Variants in GAN observed in about 807,000 individuals in gnomAD.
GAN encodes the protein epididymis secretory sperm binding protein.
GAN carries 48 observed loss-of-function variants against 71.3 expected under a neutral mutation model. That is an observed-to-expected ratio of 0.67 (90% CI 0.53 to 0.86). The LOEUF (loss-of-function observed/expected upper bound fraction) is 0.86, where lower values mean the gene tolerates loss of function less well. Ranked by LOEUF, GAN falls within the 40% of genes least tolerant of loss-of-function variation. The probability of loss-of-function intolerance (pLI) is 0.00; values close to 1 mark genes in which losing one functional copy is unlikely to be tolerated. For missense variants in GAN, 928 were observed against 770.1 expected (o/e 1.21, Z -2.43); for synonymous variants, 386 against 276.8 (o/e 1.39, Z -3.92).
At chr16:81,350,647 C>T (rs1288271484) in intron 1 of GAN, among the ~76,000 whole-genome samples, 4 of 152,004 alleles carry the variant, frequency 2.6e-5, no homozygotes, top group African/African-American at 9.7e-5. Flanking sequence ...TCCTGAGCTG[C>T]TGGGATTGCA....
Position 81,384,866 on chromosome 16 carries a change from A to G in GAN, c.*7270A>G, listed in dbSNP as rs1904355035. Reference sequence around the variant, plus strand: ...TTGCCTGGTCACCAAGTCAGGAGGAAGAAGATGAGGAGGCTCACCAGTTGT... The same window carrying G: ...TTGCCTGGTCACCAAGTCAGGAGGAGGAAGATGAGGAGGCTCACCAGTTGT... On this transcript the variant is annotated 3_prime_UTR_variant, in exon 11 of 11. Transcript: ENST00000648994. The G allele has an allele frequency of 6.5e-6, 1 of 153,276 alleles. No homozygotes were observed. The highest frequency in any genetic ancestry group is 6.6e-5 in the Admixed American group (1 of 15,266). 9.5% of individuals were successfully genotyped at this position (153,276 alleles called of 1,614,324 possible).
At chr16:81,326,516 A>G (rs1309761646) in intron 1 of GAN, among the ~76,000 whole-genome samples, 1 of 152,250 alleles carries the variant, frequency 6.6e-6, no homozygotes, top group Non-Finnish European at 1.5e-5. Flanking sequence ...CTGGGCAACA[A>G]GAGTGAAACT....
intron 1 of GAN, among the ~76,000 whole-genome samples, chr16:81,333,687 A>G (rs994238669): frequency 1.3e-5 from 2 of 152,188 alleles, no homozygotes; most frequent in Non-Finnish European, 2.9e-5. Context: ...TCAAGGATGG[A>G]GACTACCAAC....
rs769560368 is a variant in GAN, at chr16:81,389,831, C to T, written c.*12235C>T. The T allele has an allele frequency of 4.6e-5, 7 of 152,166 alleles. No homozygotes were observed. The highest frequency in any genetic ancestry group is 1.4e-4 in the African/African-American group (6 of 41,418). 9.4% of individuals were successfully genotyped at this position (152,166 alleles called of 1,614,324 possible). A position where few individuals can be genotyped will look rare whatever the true frequency, so the allele number is the denominator to read the frequency against. ...TCATGCCAGTGTTGTGCTGGACCCT[C>T]GAGTATGTGACTGTCACCCTTGTCC... On this transcript the variant is annotated 3_prime_UTR_variant, in exon 11 of 11. Transcript: ENST00000648994.
intron 3 of GAN, among the ~76,000 whole-genome samples, chr16:81,356,013 A>G (rs1431459179): frequency 1.3e-5 from 2 of 152,338 alleles, no homozygotes; most frequent in African/African-American, 2.4e-5. Context: ...CACCAAGACC[A>G]CAGTGGGACA....
At chr16:81,340,188 C>T (rs769246096) in intron 1 of GAN, among the ~76,000 whole-genome samples, 1 of 152,162 alleles carries the variant, frequency 6.6e-6, no homozygotes, top group African/African-American at 2.4e-5. Flanking sequence ...GTCCTCTCAC[C>T]TCAGCCTTAC....
intron 9 of GAN, among the ~76,000 whole-genome samples, chr16:81,376,616 A>G (rs531319225): frequency 1.3e-5 from 2 of 150,838 alleles, no homozygotes; most frequent in East Asian, 2.0e-4. Flanking sequence ...ATGTATGTAT[A>G]TGTATATATA....
chr16:81,321,345 C>T (rs1909217610), intron 1 of GAN, among the ~76,000 whole-genome samples: 1 of 152,166 alleles, frequency 6.6e-6, no homozygotes, highest in Non-Finnish European at 1.5e-5. Flanking sequence ...GGTTAATTTT[C>T]TCTAGTGGAT....
Position 81,353,709 on chromosome 16 carries a change from T to G in GAN, c.283-696T>G, listed in dbSNP as rs138945831. 2.1e-3 allele frequency among the ~76,000 whole-genome samples: 315 copies of G among 152,146 alleles called. 1 individual carries two copies. Among genetic ancestry groups the G allele is most frequent in the African/African-American group, 7.4e-3 (306 of 41,496 alleles). Reference sequence around the variant, plus strand: ...GAGAACTGTTTCTTTCCTGATGCTTTGGAGCACTGTGAAGTCAGTGGAGGA... The same window carrying G: ...GAGAACTGTTTCTTTCCTGATGCTTGGGAGCACTGTGAAGTCAGTGGAGGA... On this transcript the variant is annotated intron_variant, in intron 2 of 10. Coordinates refer to ENST00000648994, the MANE Select transcript of GAN (RefSeq NM_022041.4).
intron 1 of GAN, among the ~76,000 whole-genome samples, chr16:81,344,293 G>A (rs1051438140): frequency 1.3e-5 from 2 of 152,166 alleles, no homozygotes; most frequent in East Asian, 1.9e-4. Flanking sequence ...AAAAGAGCCC[G>A]CATAGCCAAG....
At chr16:81,339,333 A>G (rs1455478698) in intron 1 of GAN, among the ~76,000 whole-genome samples, 1 of 152,144 alleles carries the variant, frequency 6.6e-6, no homozygotes. Flanking sequence ...TTGTACAGAT[A>G]CAGTTATTAA....
At chr16:81,355,262 T>TC (rs1910448492) in intron 3 of GAN, among the ~76,000 whole-genome samples, 2 of 152,132 alleles carry the variant, frequency 1.3e-5, no homozygotes, top group Non-Finnish European at 2.9e-5. Context: ...CAGTGCAGTT[T>TC]CAAGAGGGAA....
Position 81,354,763 on chromosome 16 carries a change from T to C in GAN, c.633+8T>C. 6.8e-7 allele frequency: 1 copy of C among 1,479,156 alleles called. No individual in the cohort carries two copies. Among genetic ancestry groups the C allele is most frequent in the Non-Finnish European group, 9.5e-7 (1 of 1,057,284 alleles). 91.6% of individuals were successfully genotyped at this position (1,479,156 alleles called of 1,614,324 possible). ...GATACAGAAATAAGAAAGGTACCTG[T>C]CATTTATAACATGGTCAAATTTGCC... On this transcript the variant is annotated splice_region_variant and intron_variant, in intron 3 of 10. Transcript: ENST00000648994.
chr16:81,354,426 A>G lies in GAN; in HGVS notation c.304A>G (p.Ile102Val), dbSNP rs779968294. The G allele has an allele frequency of 3.7e-6, 6 of 1,611,692 alleles. No individual in the cohort carries two copies. The highest frequency in any genetic ancestry group is 1.3e-5 in the African/African-American group (1 of 74,996). Residue 102 changes from isoleucine to valine, a missense_variant, in exon 3 of 11, where the codon ATC (isoleucine) becomes GTC (valine). Coordinates refer to ENST00000648994, the MANE Select transcript of GAN (RefSeq NM_022041.4). ...SGQIRLNEDT[I>V]QDVVQAADLL... ...TTAGATCAGGCTAAATGAAGATACA[A>G]TCCAAGATGTTGTTCAGGCAGCTGA... is the stretch of plus-strand genomic sequence containing the variant.
chr16:81,316,066 A>T (rs1909028870), intron 1 of GAN, among the ~76,000 whole-genome samples: 1 of 152,238 alleles, frequency 6.6e-6, no homozygotes, highest in African/African-American at 2.4e-5. Context: ...GCTTAACCTG[A>T]TTTGCCAACT....
chr16:81,351,781 C>A, intron 2 of GAN, 84 bp downstream of exon 2: 1 of 775,768 alleles, frequency 1.3e-6, no homozygotes, highest in Non-Finnish European at 2.4e-6. Context: ...CATTATATGA[C>A]AAAGTAGCAC....
intron 1 of GAN, among the ~76,000 whole-genome samples, chr16:81,340,105 GTTTC>G (rs1909892116): frequency 6.6e-6 from 1 of 151,924 alleles, no homozygotes; most frequent in Non-Finnish European, 1.5e-5. Context: ...ATATTTGTTC[GTTTC>G]TTTGTTTTAA....
At chr16:81,331,151 T>A in intron 1 of GAN, among the ~76,000 whole-genome samples, 1 of 152,150 alleles carries the variant, frequency 6.6e-6, no homozygotes, top group South Asian at 2.1e-4. Context: ...GCTGCAGTGA[T>A]CTGTGCTCGC....
At chr16:81,374,086 A>C (rs1029894749) in intron 9 of GAN, among the ~76,000 whole-genome samples, 9 of 152,152 alleles carry the variant, frequency 5.9e-5, no homozygotes, top group African/African-American at 2.2e-4. Flanking sequence ...ATCCTCTTGA[A>C]GGTTATTGGT....
Sources: gnomAD v4.1 joint callset for allele counts (sites outside exome capture counted in the v4.1 genomes callset) on GRCh38, gnomAD v4.1.1 for gene constraint, MANE v1.5 for transcripts, NCBI Gene and HGNC (gene_info 2026-07-23, HGNC 2026-07-21) for gene names.